Variants in PCDHGA10 observed in about 807,000 individuals in gnomAD.
PCDHGA10 encodes protocadherin gamma subfamily A, 10.
A neutral mutation model predicts 59.5 loss-of-function variants in PCDHGA10; 42 were observed. The observed-to-expected ratio is 0.71, with a 90% CI of 0.55 to 0.91. PCDHGA10 has a LOEUF of 0.91. PCDHGA10 is among the 40% of genes least tolerant of loss of function. The pLI, the probability that PCDHGA10 is intolerant of heterozygous loss-of-function variation, is 0.00. For missense variants in PCDHGA10, 1,111 were observed against 1,198.2 expected, an observed-to-expected ratio of 0.93 and a Z score of 1.07; for synonymous variants, 511 against 517.2, an observed-to-expected ratio of 0.99 and a Z score of 0.16.
rs779686795 is a variant in PCDHGA10 at position 141,476,566 on chromosome 5, G to C, written c.2437-18241G>C. The stretch of plus-strand genomic sequence containing the variant: ...TGGAGATTAGCGAGGCCGTGGCTCC[G>C]GGGACGCGCTTTCCGCTCGAGAGCG... On this transcript the variant is annotated intron_variant, in intron 1 of 3. Transcript: ENST00000398610. This position sits in a 1 kb window ranked among gnomAD's most constrained non-coding sequence, Gnocchi z 7.6. 1.2e-6 allele frequency: 2 copies of C among 1,614,180 alleles called. No homozygotes were observed. The highest frequency in any genetic ancestry group is 1.7e-5 in the Admixed American group (1 of 60,030).
intron 1 of PCDHGA10, among the ~76,000 whole-genome samples, chr5:141,452,284 C>G (rs1182155879): frequency 6.6e-6 from 1 of 152,112 alleles, no homozygotes; most frequent in Non-Finnish European, 1.5e-5. Context: ...TTCTTACTTT[C>G]TGATATAAGA....
Position 141,414,946 on chromosome 5 carries a change from C to T in PCDHGA10, c.1771C>T (p.Leu591=). 1 of 1,614,102 alleles carries T rather than the reference C, an allele frequency of 6.2e-7. No homozygotes were observed. The highest frequency in any genetic ancestry group is 2.2e-5 in the East Asian group (1 of 44,874). ...LAPRSAEPGY[L]VTKVVAVDRD... is the part of the protein sequence containing the mutation. ...GCCCCGCTCCGCAGAGCCCGGCTAC[C>T]TGGTGACCAAGGTGGTGGCGGTGGA... Residue 591 remains leucine (L), a synonymous_variant, in exon 1 of 4, where the codon CTG becomes TTG. Coordinates refer to ENST00000398610, the MANE Select transcript of PCDHGA10 (RefSeq NM_018913.3).
Position 141,414,814 on chromosome 5 carries a change from A to C in PCDHGA10, c.1639A>C (p.Ser547Arg), listed in dbSNP as rs1368279926. ...CAGCGACAGCGGGGATCCTCCACTC[A>C]GCAGCAACGTGTCGTTGAGCCTGTT... ...TASDSGDPPL[S>R]SNVSLSLFVL... The change falls in exon 1 of 4, where the codon AGC (serine) becomes CGC (arginine). Residue 547 changes from serine to arginine, a missense_variant. By Grantham distance (110) the Ser-to-Arg change is moderately radical. Coordinates refer to ENST00000398610, the MANE Select transcript of PCDHGA10 (RefSeq NM_018913.3). 6.2e-7 allele frequency: 1 copy of C among 1,614,100 alleles called. No homozygotes were observed. Among genetic ancestry groups the C allele is most frequent in the African/African-American group, 1.3e-5 (1 of 74,938 alleles).
rs772421197 is a variant in PCDHGA10, at chr5:141,413,303, T to G, written c.128T>G (p.Leu43Ter). Residue 43 changes from leucine (L) to a stop codon, truncating the protein, a stop_gained, in exon 1 of 4, where the codon TTA becomes TGA. Transcript: ENST00000398610. LOFTEE classifies it high-confidence loss of function. ...ATCTCCTACTCAATTCCTGAGGAAT[T>G]AGAGAAAGGCTCTTTCGTGGGCAAC... ...RQISYSIPEELEKGSFVGNIS... is the reference protein window; with the variant it reads ...RQISYSIPEE The G allele has an allele frequency of 6.8e-6, 11 of 1,613,942 alleles. No individual in the cohort carries two copies. Among genetic ancestry groups the G allele is most frequent in the Middle Eastern group, 3.3e-4 (2 of 6,058 alleles).
intron 1 of PCDHGA10, chr5:141,423,413 C>T (rs757696505): frequency 2.5e-6 from 4 of 1,614,022 alleles, no homozygotes; most frequent in South Asian, 2.2e-5. Flanking sequence ...CTGCAGGCTT[C>T]TGAAGGCGGG....
chr5:141,442,725 G>A (rs1381140725), intron 1 of PCDHGA10, among the ~76,000 whole-genome samples: 1 of 152,198 alleles, frequency 6.6e-6, no homozygotes, highest in Admixed American at 6.5e-5. Flanking sequence ...AGCATTTGGG[G>A]CCTGTAGGTA....
intron 1 of PCDHGA10, chr5:141,422,908 C>T (rs1340882515): frequency 2.5e-6 from 4 of 1,614,126 alleles, no homozygotes; most frequent in Non-Finnish European, 3.4e-6. Context: ...CGACAATGCG[C>T]CCGAGATCCT....
At position 141,419,169 on chromosome 5, in the gene PCDHGA10, C is replaced by T. The variant is rs746258255; in HGVS notation, c.2436+3558C>T. 73 of 1,613,970 alleles carry T rather than the reference C, an allele frequency of 4.5e-5. No homozygotes were observed. The highest frequency in any genetic ancestry group is 3.3e-4 in the Middle Eastern group (2 of 6,062). The stretch of plus-strand genomic sequence containing the variant: ...AAGCCTCCGTTATCCTCCAGCAAAA[C>T]CATAACCCTGCACATTACTGACGTC... On this transcript the variant is annotated intron_variant, in intron 1 of 3. Coordinates refer to ENST00000398610, the MANE Select transcript of PCDHGA10 (RefSeq NM_018913.3).
chr5:141,458,340 G>C (rs4551132), intron 1 of PCDHGA10, among the ~76,000 whole-genome samples: 42,372 of 151,882 alleles, frequency 0.28, 6,646 homozygotes, highest in African/African-American at 0.43. Context: ...TTTAAGGAGT[G>C]GAGAGTTTAA....
At position 141,487,219 on chromosome 5, in the gene PCDHGA10, A is replaced by G. The variant is rs750819958; in HGVS notation, c.2437-7588A>G. ...CAGATCTTCGAGAATCTTCAGCTCC[A>G]AGGGAAGGAGAATCTCGTCTAACCC... On this transcript the variant is annotated intron_variant, in intron 1 of 3. Transcript: ENST00000398610. This position sits in a 1 kb window ranked among gnomAD's most constrained non-coding sequence, Gnocchi z 5.0. The G allele has an allele frequency of 1.2e-6, 2 of 1,613,952 alleles. No individual in the cohort carries two copies. The highest frequency in any genetic ancestry group is 3.3e-5 in the Admixed American group (2 of 60,020).
chr5:141,421,885 G>T, intron 1 of PCDHGA10: 1 of 1,613,692 alleles, frequency 6.2e-7, no homozygotes, highest in Non-Finnish European at 8.5e-7. Context: ...AGATGGAGGC[G>T]ATCCCATCCG....
At chr5:141,420,432 T>C in intron 1 of PCDHGA10, 2 of 1,149,120 alleles carry the variant, frequency 1.7e-6, no homozygotes, top group Non-Finnish European at 2.3e-6. Flanking sequence ...AAAGTTTAAA[T>C]TAAATGCCTC....
At position 141,431,438 on chromosome 5, in the gene PCDHGA10, C is replaced by G. The variant is rs773812765; in HGVS notation, c.2436+15827C>G. The G allele has an allele frequency of 3.9e-5, 63 of 1,613,612 alleles. No homozygotes were observed. In the East Asian group the frequency reaches 1.4e-3, roughly 35 times the overall value. ...CGACCCGGTGCGCACAGGCACCGCG[C>G]GCATCCGCGTGATGGTTCTGGATGC... is the stretch of plus-strand genomic sequence containing the variant. On this transcript the variant is annotated intron_variant, in intron 1 of 3. Coordinates refer to ENST00000398610, the MANE Select transcript of PCDHGA10 (RefSeq NM_018913.3). The surrounding 1 kb of genome is among the most constrained non-coding windows in gnomAD (Gnocchi z 4.8).
intron 1 of PCDHGA10, among the ~76,000 whole-genome samples, chr5:141,450,123 T>G (rs565568384): frequency 2.4e-4 from 36 of 150,874 alleles, no homozygotes; most frequent in Non-Finnish European, 4.7e-4. Context: ...TCTCCTGCCT[T>G]AGCCTCCTGA....
Position 141,491,686 on chromosome 5 carries a change from C to A in PCDHGA10, c.2437-3121C>A. The A allele has an allele frequency of 6.2e-7, 1 of 1,612,970 alleles. No homozygotes were observed. The highest frequency in any genetic ancestry group is 8.5e-7 in the Non-Finnish European group (1 of 1,179,558). Reference sequence around the variant, plus strand: ...CATCCGGTCCCGCTCTAATACGCTGCGGGAGCGGAGCCAGGTGAGGGGCTC... The same window carrying A: ...CATCCGGTCCCGCTCTAATACGCTGAGGGAGCGGAGCCAGGTGAGGGGCTC... On this transcript the variant is annotated intron_variant, in intron 1 of 3. Coordinates refer to ENST00000398610, the MANE Select transcript of PCDHGA10 (RefSeq NM_018913.3). The surrounding 1 kb of genome is among the most constrained non-coding windows in gnomAD (Gnocchi z 6.9).
chr5:141,454,857 G>C (rs1365819097), intron 1 of PCDHGA10, among the ~76,000 whole-genome samples: 2 of 131,566 alleles, frequency 1.5e-5, no homozygotes, highest in African/African-American at 6.0e-5. Context: ...ACCCAGGCTG[G>C]AGTGCAGTGG....
chr5:141,484,763 T>C (rs2099600495), intron 1 of PCDHGA10, among the ~76,000 whole-genome samples: 1 of 151,872 alleles, frequency 6.6e-6, no homozygotes, highest in East Asian at 1.9e-4. Flanking sequence ...TATATATATA[T>C]ATGTTGTCTG....
rs568314069 is a variant in PCDHGA10 at position 141,486,371 on chromosome 5, G to C, written c.2437-8436G>C. 53 of 1,614,138 alleles carry C rather than the reference G, an allele frequency of 3.3e-5. 2 individuals are homozygous for C. The South Asian group carries it at 5.3e-4, about 16-fold the overall frequency. Reference sequence around the variant, plus strand: ...CCACTTGCCATTTGCCCTCAAGTCTGCCTTCAGGAACCAGTTCTCCCTGGT... The same window carrying C: ...CCACTTGCCATTTGCCCTCAAGTCTCCCTTCAGGAACCAGTTCTCCCTGGT... On this transcript the variant is annotated intron_variant, in intron 1 of 3. Transcript: ENST00000398610. The surrounding 1 kb of genome is among the most constrained non-coding windows in gnomAD (Gnocchi z 5.0).
rs146748846 is a variant in PCDHGA10 at position 141,452,937 on chromosome 5, G to C, written c.2436+37326G>C. 4.0e-4 allele frequency among the ~76,000 whole-genome samples: 61 copies of C among 152,254 alleles called. No individual in the cohort carries two copies. The East Asian group carries it at 0.01, about 26-fold the overall frequency. On this transcript the variant is annotated intron_variant, in intron 1 of 3. Coordinates refer to ENST00000398610, the MANE Select transcript of PCDHGA10 (RefSeq NM_018913.3). The stretch of plus-strand genomic sequence containing the variant: ...AGTAAGAAAGAGCTGCTGAAGATTT[G>C]CTTGCAATTGGTTGTCTTTAAACTG...
Sources: gnomAD v4.1 joint callset for allele counts (sites outside exome capture counted in the v4.1 genomes callset) on GRCh38, gnomAD v4.1.1 for gene constraint, Gnocchi (gnomAD v3.1) non-coding constraint, MANE v1.5 for transcripts, NCBI Gene and HGNC (gene_info 2026-07-23, HGNC 2026-07-21) for gene names.